Variants in EPB41 observed in about 807,000 individuals in gnomAD.
The protein encoded by EPB41 is erythrocyte membrane protein band 4.1.
Under a neutral mutation model 108.0 loss-of-function variants are expected in EPB41, and 65 were observed. That is an observed-to-expected ratio of 0.60 (90% CI 0.49 to 0.74). The LOEUF (loss-of-function observed/expected upper bound fraction) is 0.74, where lower values mean the gene tolerates loss of function less well. Among genes scored for constraint, EPB41 ranks in the 30% least tolerant of loss-of-function variants. The probability of loss-of-function intolerance (pLI) is 0.00; values close to 1 mark genes in which losing one functional copy is unlikely to be tolerated. For synonymous variants in EPB41, 336 were observed against 358.9 expected (o/e 0.94, Z 0.72); for missense variants, 875 against 1,037.0 (o/e 0.84, Z 2.15).
intron 1 of EPB41, among the ~76,000 whole-genome samples, chr1:28,942,840 C>T (rs1460362000): frequency 6.6e-6 from 1 of 152,186 alleles, no homozygotes; most frequent in Non-Finnish European, 1.5e-5. Flanking sequence ...AGCCATCACT[C>T]AATTCATTAG....
intron 1 of EPB41, among the ~76,000 whole-genome samples, chr1:28,935,070 C>A (rs866830179): frequency 2.8e-4 from 42 of 151,704 alleles, no homozygotes; most frequent in Middle Eastern, 6.8e-3. Context: ...CATGTTCATG[C>A]CACTGTACTC....
intron 1 of EPB41, among the ~76,000 whole-genome samples, chr1:28,898,999 G>A (rs2091006425): frequency 6.6e-6 from 1 of 152,114 alleles, no homozygotes. Flanking sequence ...GGATCCCTCA[G>A]CCTTCTGGAT....
chr1:29,074,954 C>T (rs547765655), intron 16 of EPB41, among the ~76,000 whole-genome samples: 3 of 152,064 alleles, frequency 2.0e-5, no homozygotes, highest in Non-Finnish European at 4.4e-5. Context: ...GTCAGGAGAT[C>T]GAGACCATCC....
At chr1:29,048,698 T>C (rs1643959134) in intron 11 of EPB41, among the ~76,000 whole-genome samples, 1 of 152,204 alleles carries the variant, frequency 6.6e-6, no homozygotes, top group Admixed American at 6.5e-5. Flanking sequence ...TTTTTACTCT[T>C]CACCATGATG....
intron 3 of EPB41, among the ~76,000 whole-genome samples, chr1:28,996,551 T>C (rs2096180866): frequency 1.3e-5 from 2 of 152,148 alleles, no homozygotes; most frequent in African/African-American, 4.8e-5. Context: ...CAGTTGCTCA[T>C]AGCATGCTAC....
At chr1:28,977,394 CTT>C (rs58214592) in intron 1 of EPB41, among the ~76,000 whole-genome samples, 17,425 of 135,768 alleles carry the variant, frequency 0.13, 1,244 homozygotes, top group African/African-American at 0.22. Context: ...GTATGTTTTT[CTT>C]TTTTTTTTTT....
chr1:29,115,681 T>C lies in EPB41; in HGVS notation c.2497-18T>C. On this transcript the variant is annotated intron_variant, in intron 19 of 20. Coordinates refer to ENST00000343067, the MANE Select transcript of EPB41 (RefSeq NM_001376013.1). This position sits in a 1 kb window ranked among gnomAD's most constrained non-coding sequence, Gnocchi z 4.4. The stretch of plus-strand genomic sequence containing the variant: ...AGGCTATTTTCTGCCTCATTGCCCT[T>C]GTTTCTGTCTTTTGTAGGTCCTTGT... 6.2e-7 allele frequency: 1 copy of C among 1,609,956 alleles called. No homozygotes were observed. The highest frequency in any genetic ancestry group is 1.7e-4 in the Middle Eastern group (1 of 6,056).
intron 5 of EPB41, among the ~76,000 whole-genome samples, chr1:29,013,656 A>G (rs908603270): frequency 2.0e-5 from 3 of 151,854 alleles, no homozygotes; most frequent in African/African-American, 7.3e-5. Context: ...CCTCCCAAGT[A>G]GCTGGGATTA....
intron 3 of EPB41, among the ~76,000 whole-genome samples, chr1:28,993,925 G>T (rs1433515717): frequency 6.6e-6 from 1 of 152,036 alleles, no homozygotes; most frequent in African/African-American, 2.4e-5. Flanking sequence ...CCAAATTGCT[G>T]GGATTACAGG....
Position 29,058,804 on chromosome 1 carries a change from A to G in EPB41, c.1903-7A>G. Reference sequence around the variant, plus strand: ...TTTTCTTTCTTTTTTAAATTATGGCAAAACAGAAGCTTGCAGAAAAAACTG... The same window carrying G: ...TTTTCTTTCTTTTTTAAATTATGGCGAAACAGAAGCTTGCAGAAAAAACTG... On this transcript the variant is annotated splice_polypyrimidine_tract_variant and splice_region_variant and intron_variant, in intron 13 of 20. Transcript: ENST00000343067. The G allele has an allele frequency of 9.1e-6, 14 of 1,544,916 alleles. No homozygotes were observed. Among genetic ancestry groups the G allele is most frequent in the Non-Finnish European group, 1.1e-5 (13 of 1,145,178 alleles).
intron 7 of EPB41, among the ~76,000 whole-genome samples, chr1:29,024,342 ATAAAT>A (rs1318637427): frequency 6.6e-6 from 1 of 150,708 alleles, no homozygotes; most frequent in African/African-American, 2.5e-5. Flanking sequence ...CTAAAAATAA[ATAAAT>A]TAAAGGCCGA....
At chr1:28,928,844 G>A (rs1287908014) in intron 1 of EPB41, among the ~76,000 whole-genome samples, 1 of 152,116 alleles carries the variant, frequency 6.6e-6, no homozygotes, top group Non-Finnish European at 1.5e-5. Flanking sequence ...GAAGAACTAG[G>A]TTACTGATTC....
rs182414375 is a variant in EPB41, at chr1:28,945,058, C to G, written c.-8+30290C>G. 1.1e-4 allele frequency among the ~76,000 whole-genome samples: 16 copies of G among 149,686 alleles called. No homozygotes were observed. In the East Asian group the frequency reaches 2.0e-3, roughly 18 times the overall value. ...GTGAGATCGTGCCATGGTACTCCAG[C>G]CTGGGTGACAGAGTGAGATCGTGTC... On this transcript the variant is annotated intron_variant, in intron 1 of 20. Transcript: ENST00000343067.
chr1:28,994,916 TC>T (rs989558182), intron 3 of EPB41, among the ~76,000 whole-genome samples: 2 of 150,678 alleles, frequency 1.3e-5, no homozygotes, highest in Non-Finnish European at 1.5e-5. Context: ...TGCCTCAGCC[TC>T]CCAAAGTACT....
intron 1 of EPB41, among the ~76,000 whole-genome samples, chr1:28,946,967 C>G (rs1418238763): frequency 6.6e-6 from 1 of 152,082 alleles, no homozygotes. Flanking sequence ...AAGAAAATAT[C>G]CTGTGCATAG....
At chr1:28,899,570 G>A (rs1027142158) in intron 1 of EPB41, among the ~76,000 whole-genome samples, 1 of 152,144 alleles carries the variant, frequency 6.6e-6, no homozygotes, top group Admixed American at 6.6e-5. Flanking sequence ...CTTAGGCTGG[G>A]GGGAAAGTGA....
At chr1:29,045,087 T>G (rs1642767652) in intron 11 of EPB41, among the ~76,000 whole-genome samples, 1 of 152,210 alleles carries the variant, frequency 6.6e-6, no homozygotes, top group South Asian at 2.1e-4. Context: ...TTTTTAGCCC[T>G]TAGCGTTATC....
At chr1:29,088,204 G>T (rs957157534) in intron 16 of EPB41, among the ~76,000 whole-genome samples, 1 of 151,730 alleles carries the variant, frequency 6.6e-6, no homozygotes, top group Non-Finnish European at 1.5e-5. Flanking sequence ...GCGCTACCAC[G>T]CCTGGCTAAT....
intron 1 of EPB41, among the ~76,000 whole-genome samples, chr1:28,891,355 A>C (rs1310057290): frequency 6.6e-6 from 1 of 152,180 alleles, no homozygotes; most frequent in Non-Finnish European, 1.5e-5. Context: ...GCTATTTCAG[A>C]GGAAGAGACT....
Sources: allele counts gnomAD v4.1 joint callset (sites outside exome capture counted in the v4.1 genomes callset), GRCh38; gene constraint gnomAD v4.1.1; non-coding constraint Gnocchi (gnomAD v3.1); transcripts MANE v1.5; gene names NCBI Gene and HGNC (gene_info 2026-07-23, HGNC 2026-07-21).